HELZ2: variants seen among roughly 807,000 people sequenced by gnomAD.
The protein encoded by HELZ2 is 3'-5' exoribonuclease HELZ2.
A neutral mutation model predicts 208.8 loss-of-function variants in HELZ2; 143 were observed. The observed-to-expected ratio is 0.68, with a 90% CI of 0.60 to 0.79. The LOEUF (loss-of-function observed/expected upper bound fraction) is 0.79. HELZ2 is among the 30% of genes least tolerant of loss of function. HELZ2 has a pLI of 0.00. For missense variants in HELZ2, 3,690 were observed against 3,794.5 expected, an observed-to-expected ratio of 0.97 and a Z score of 0.72; for synonymous variants, 1,705 against 1,693.7, an observed-to-expected ratio of 1.01 and a Z score of -0.16.
In HELZ2 at chr20:63,568,704, C is replaced by G. The variant is rs751590580; in HGVS notation, c.1384G>C (p.Glu462Gln). ...TGCACCTCCAGGACCAGGCGGGCCT[C>G]AGGCTGCAGCCCCAGGGCCAAGCAG... is the stretch of plus-strand genomic sequence containing the variant. The change falls in exon 5 of 19, where the codon GAG (glutamate) becomes CAG (glutamine). Residue 462 changes from glutamate (E) to glutamine (Q), a missense_variant. Glu to Gln is a conservative substitution (Grantham distance 29). Coordinates refer to ENST00000467148, the Ensembl canonical transcript of HELZ2. 9 of 1,605,980 alleles carry G rather than the reference C, an allele frequency of 5.6e-6. No individual in the cohort carries two copies. In the East Asian group the frequency reaches 2.0e-4, roughly 36 times the overall value.
chr20:63,567,371 GGGA>G, exon 6 of HELZ2: 2 of 1,600,178 alleles, frequency 1.2e-6, no homozygotes, highest in Non-Finnish European at 1.7e-6. Flanking sequence ...ATGAGAATGT[GGGA>G]GAAGAAGCCG....
At chr20:63,566,088 C>G in exon 8 of HELZ2, 1 of 1,585,640 alleles carries the variant, frequency 6.3e-7, no homozygotes, top group Non-Finnish European at 8.5e-7. Flanking sequence ...GCGTCCCCCA[C>G]TACCACCAGC....
Position 63,564,861 on chromosome 20 carries a change from G to A in HELZ2, c.3961C>T (p.Gln1321Ter). Residue 1321 changes from glutamine to a stop codon, truncating the protein, a stop_gained, in exon 8 of 19, where the codon CAG becomes TAG. Transcript: ENST00000467148. LOFTEE classifies it high-confidence loss of function. Reference sequence around the variant, plus strand: ...CGGCCAAGCTCCGTGTGGTATTTCTGCAGCACCTTGGTGATGGTGGCCTGG... The same window carrying A: ...CGGCCAAGCTCCGTGTGGTATTTCTACAGCACCTTGGTGATGGTGGCCTGG... The A allele has an allele frequency of 6.2e-7, 1 of 1,612,202 alleles. No individual in the cohort carries two copies. The highest frequency in any genetic ancestry group is 8.5e-7 in the Non-Finnish European group (1 of 1,179,398).
At chr20:63,568,818 G>C in exon 5 of HELZ2, 1 of 1,612,270 alleles carries the variant, frequency 6.2e-7, no homozygotes, top group Non-Finnish European at 8.5e-7. Context: ...TCGGGTGCAG[G>C]TACAGGGGCC....
chr20:63,566,820 C>T (rs777205008), intron 6 of HELZ2, 24 bp downstream of exon 7: 2 of 1,568,190 alleles, frequency 1.3e-6, no homozygotes, highest in South Asian at 1.2e-5. Flanking sequence ...CGGTCGGGGG[C>T]TGTCCCGGGC....
chr20:63,573,570 G>A (rs1396019728), upstream of HELZ2, among the ~76,000 whole-genome samples: 14 of 152,220 alleles, frequency 9.2e-5, no homozygotes, highest in Admixed American at 5.2e-4. The surrounding 1 kb of genome is among the most constrained non-coding windows in gnomAD (Gnocchi z 4.9). Flanking sequence ...CCAGGAGGCC[G>A]CACCCCTCTG....
chr20:63,559,032 G>T, downstream of HELZ2: 1 of 527,410 alleles, frequency 1.9e-6, no homozygotes, highest in Non-Finnish European at 3.3e-6. Flanking sequence ...ACCCTGAGAG[G>T]TGTTCCTGTC....
At chr20:63,559,188 TGG>T (rs1307158055), downstream of HELZ2, 2 of 846,838 alleles carry the variant, frequency 2.4e-6, no homozygotes, top group Middle Eastern at 9.8e-4. Context: ...GTGGGGAGGG[TGG>T]GGGGGCCCTG....
exon 8 of HELZ2, chr20:63,565,906 C>T (rs752648480): frequency 6.3e-7 from 1 of 1,597,222 alleles, no homozygotes; most frequent in South Asian, 1.1e-5. Context: ...CCTCCCAGTT[C>T]CCCGCTGCCC....
intron 2 of HELZ2, 36 bp from the exon 4 acceptor site, chr20:63,570,647 A>ACCG: frequency 6.7e-7 from 1 of 1,497,368 alleles, no homozygotes; most frequent in Non-Finnish European, 9.2e-7. Context: ...AGAGGCCTGG[A>ACCG]CCCCACCCCA....
chr20:63,572,651 C>A (rs569453205), upstream of HELZ2: 2 of 452,202 alleles, frequency 4.4e-6, no homozygotes, highest in Admixed American at 3.9e-5. Flanking sequence ...CAGCTCGAAG[C>A]GGCCGCCAAA....
At position 63,566,549 on chromosome 20, in the gene HELZ2, AGC is replaced by A. The variant is rs1569034974; in HGVS notation, c.2515-98_2515-97del. 671 of 775,354 alleles carry A rather than the reference AGC, an allele frequency of 8.7e-4. 3 individuals carry two copies. Among genetic ancestry groups the A allele is most frequent in the Admixed American group, 2.4e-3 (86 of 35,474 alleles). 48.0% of individuals were successfully genotyped at this position (775,354 alleles called of 1,614,324 possible). The stretch of plus-strand genomic sequence containing the variant: ...GGCACCCCCACCAAGCTCGGGGATG[AGC>A]GCAGGACGCAGTGAGGACTGGGCCA... On this transcript the variant is annotated intron_variant, in intron 6 of 18. Transcript: ENST00000467148.
exon 5 of HELZ2, chr20:63,568,534 C>A (rs964203170): frequency 1.5e-5 from 24 of 1,582,448 alleles, no homozygotes; most frequent in Non-Finnish European, 2.1e-5. Flanking sequence ...CCAGCTCCTG[C>A]TTGCGGTTGC....
At chr20:63,561,029 G>A in intron 14 of HELZ2, 53 bp downstream of exon 15, 1 of 1,596,332 alleles carries the variant, frequency 6.3e-7, no homozygotes, top group Non-Finnish European at 8.5e-7. Flanking sequence ...CCCCAGGTGG[G>A]AGACTGTGCC....
Position 63,564,302 on chromosome 20 carries a change from T to C in HELZ2, c.4520A>G (p.Tyr1507Cys), listed in dbSNP as rs749782936. ...GGTGCCGTCCTCGTCCGGCTGCTCA[T>C]AGAAGCAGTCGGACCGCAGGCGGTG... Residue 1507 changes from tyrosine to cysteine, a missense_variant, in exon 8 of 19, where the codon TAT becomes TGT. This residue lies in a region of HELZ2 where 2,564 missense variants were observed against 2,580.5 expected (regional missense o/e 0.99). Transcript: ENST00000467148. 3.1e-5 allele frequency: 50 copies of C among 1,605,716 alleles called. No individual in the cohort carries two copies. The highest frequency in any genetic ancestry group is 2.8e-4 in the African/African-American group (21 of 74,832).
intron 3 of HELZ2, chr20:63,570,115 A>AT (rs56804055): frequency 0.057 from 16,144 of 283,148 alleles, 173 homozygotes; most frequent in Middle Eastern, 0.085. Context: ...TGCCTGGCTA[A>AT]TTTTTTTTTT....
exon 8 of HELZ2, chr20:63,562,898 G>T (rs200749300): frequency 6.3e-7 from 1 of 1,599,626 alleles, no homozygotes; most frequent in Non-Finnish European, 8.5e-7. Context: ...CGTCCGTGAC[G>T]CCTCCCAGGA....
chr20:63,562,295 G>A (rs1395254721), exon 9 of HELZ2: 3 of 1,598,650 alleles, frequency 1.9e-6, no homozygotes, highest in African/African-American at 1.3e-5. Flanking sequence ...TACCTCTGCA[G>A]AGGGGCTGCG....
chr20:63,560,457 C>T (rs1299672575), intron 16 of HELZ2, 22 bp downstream of exon 17: 4 of 1,604,770 alleles, frequency 2.5e-6, no homozygotes, highest in Non-Finnish European at 3.4e-6. Flanking sequence ...CCCTCCCTGA[C>T]TCACAGGCAC....
Sources: gnomAD v4.1 joint callset for allele counts (sites outside exome capture counted in the v4.1 genomes callset) on GRCh38, gnomAD v4.1.1 for gene constraint, gnomAD v4.1.1 regional missense constraint, Gnocchi (gnomAD v3.1) non-coding constraint, MANE v1.5 for transcripts, NCBI Gene and HGNC (gene_info 2026-07-23, HGNC 2026-07-21) for gene names.